The following PMFBP1 variants were observed in gnomAD, a reference collection of about 807,000 sequenced individuals.
PMFBP1 encodes the protein polyamine-modulated factor 1-binding protein 1.
Under a neutral mutation model 137.8 loss-of-function variants are expected in PMFBP1, and 131 were observed. That is an observed-to-expected ratio of 0.95 (90% CI 0.82 to 1.10). The LOEUF (loss-of-function observed/expected upper bound fraction) is 1.10, where lower values mean the gene tolerates loss of function less well. Ranked by LOEUF, PMFBP1 falls within the 50% of genes least tolerant of loss-of-function variation. The pLI is 0.00. For missense variants in PMFBP1, 1,199 were observed against 1,175.4 expected, an observed-to-expected ratio of 1.02 and a Z score of -0.29; for synonymous variants, 490 against 450.4, an observed-to-expected ratio of 1.09 and a Z score of -1.11.
chr16:72,215,198 A>G, the PMFBP1 span, among the ~76,000 whole-genome samples: 1 of 152,190 alleles, frequency 6.6e-6, no homozygotes, highest in Non-Finnish European at 1.5e-5. Flanking sequence ...AGAAGAACCA[A>G]TATTTGAGAA....
Position 72,171,143 on chromosome 16 carries a change from G to T in PMFBP1, c.12+54C>A, listed in dbSNP as rs571497445. Reference sequence around the variant, plus strand: ...TTTTGAATCATAAAACATGAAAAAAGTCCCTTGTAATGAATATTCAACTCC... The same window carrying T: ...TTTTGAATCATAAAACATGAAAAAATTCCCTTGTAATGAATATTCAACTCC... On this transcript the variant is annotated intron_variant, in intron 2 of 20. Transcript: ENST00000237353. The T allele has an allele frequency of 5.9e-4, 932 of 1,580,708 alleles. 7 individuals carry two copies. Among genetic ancestry groups the T allele is most frequent in the Non-Finnish European group, 9.6e-5 (111 of 1,153,708 alleles).
the PMFBP1 span, among the ~76,000 whole-genome samples, chr16:72,232,967 T>C: frequency 6.6e-6 from 1 of 152,056 alleles, no homozygotes. Flanking sequence ...ATACAAGATA[T>C]TGATATACAG....
At chr16:72,134,947 G>T (rs893934262) in intron 9 of PMFBP1, among the ~76,000 whole-genome samples, 2 of 152,178 alleles carry the variant, frequency 1.3e-5, no homozygotes, top group Non-Finnish European at 2.9e-5. Flanking sequence ...ATGACAAGAG[G>T]CATGTTGCAG....
chr16:72,203,776 T>C, the PMFBP1 span, among the ~76,000 whole-genome samples: 1,378 of 152,328 alleles, frequency 9.0e-3, 14 homozygotes, highest in Middle Eastern at 0.027. Flanking sequence ...ATTTTGTAAG[T>C]CATTTAATAC....
the PMFBP1 span, among the ~76,000 whole-genome samples, chr16:72,209,357 C>T: frequency 1.3e-5 from 2 of 152,060 alleles, no homozygotes; most frequent in Non-Finnish European, 2.9e-5. Flanking sequence ...TCTGTATTTC[C>T]AGTTGAGACC....
chr16:72,241,215 A>G, the PMFBP1 span, among the ~76,000 whole-genome samples: 3 of 152,154 alleles, frequency 2.0e-5, no homozygotes, highest in Admixed American at 2.0e-4. Context: ...AACAGCCATG[A>G]AAACCCTCAT....
intron 4 of PMFBP1, among the ~76,000 whole-genome samples, chr16:72,152,264 G>A (rs989951120): frequency 6.6e-5 from 10 of 152,006 alleles, no homozygotes; most frequent in African/African-American, 1.5e-4. Context: ...ATGCTTTCTC[G>A]GTTTGGGATC....
the PMFBP1 span, among the ~76,000 whole-genome samples, chr16:72,246,809 T>C: frequency 6.6e-6 from 1 of 152,076 alleles, no homozygotes; most frequent in African/African-American, 2.4e-5. Context: ...GCAAAGGGCA[T>C]GGACCATCTT....
At chr16:72,249,890 C>T in the PMFBP1 span, among the ~76,000 whole-genome samples, 2 of 122,692 alleles carry the variant, frequency 1.6e-5, no homozygotes, top group Non-Finnish European at 3.1e-5. Flanking sequence ...CACTGCACTC[C>T]AGCCTGGGTG....
At chr16:72,130,759 G>A in intron 10 of PMFBP1, 37 bp from the exon 11 acceptor site, 2 of 1,561,022 alleles carry the variant, frequency 1.3e-6, no homozygotes, top group South Asian at 1.2e-5. Flanking sequence ...GAGAAGGGAG[G>A]GTGTATGAAG....
chr16:72,155,250 A>T (rs886779585), intron 3 of PMFBP1, among the ~76,000 whole-genome samples: 2 of 152,122 alleles, frequency 1.3e-5, no homozygotes, highest in African/African-American at 4.8e-5. Flanking sequence ...TATGACAATG[A>T]CACGTGAGGT....
At chr16:72,178,802 C>G (rs1415836896), upstream of PMFBP1, among the ~76,000 whole-genome samples, 1 of 152,182 alleles carries the variant, frequency 6.6e-6, no homozygotes, top group Non-Finnish European at 1.5e-5. Context: ...AGTCAGGGCT[C>G]ACATTTTGAC....
chr16:72,249,885 C>G, the PMFBP1 span, among the ~76,000 whole-genome samples: 1 of 127,254 alleles, frequency 7.9e-6, no homozygotes, highest in Admixed American at 9.4e-5. Context: ...CACACCACTG[C>G]ACTCCAGCCT....
the PMFBP1 span, among the ~76,000 whole-genome samples, chr16:72,236,735 A>G: frequency 6.6e-6 from 1 of 152,228 alleles, no homozygotes; most frequent in African/African-American, 2.4e-5. Context: ...CACCTCACTT[A>G]TATCCACATT....
At chr16:72,244,065 C>T in the PMFBP1 span, among the ~76,000 whole-genome samples, 3 of 152,164 alleles carry the variant, frequency 2.0e-5, no homozygotes, top group East Asian at 5.8e-4. Context: ...GCATGTCCAG[C>T]TGAGGCTGAA....
At chr16:72,189,728 T>C in the PMFBP1 span, among the ~76,000 whole-genome samples, 1 of 152,300 alleles carries the variant, frequency 6.6e-6, no homozygotes, top group South Asian at 2.1e-4. Flanking sequence ...GAGACCATGG[T>C]ATTGCAGTAA....
chr16:72,186,842 G>A, the PMFBP1 span, among the ~76,000 whole-genome samples: 1 of 152,000 alleles, frequency 6.6e-6, no homozygotes, highest in Non-Finnish European at 1.5e-5. Context: ...GCTGGGCGAG[G>A]TGGCTCACAT....
At chr16:72,188,830 C>G in the PMFBP1 span, among the ~76,000 whole-genome samples, 1 of 152,060 alleles carries the variant, frequency 6.6e-6, no homozygotes, top group South Asian at 2.1e-4. Flanking sequence ...CTATTAAGCT[C>G]GGCGGCCATG....
chr16:72,218,177 C>T, the PMFBP1 span, among the ~76,000 whole-genome samples: 2 of 152,066 alleles, frequency 1.3e-5, no homozygotes, highest in Non-Finnish European at 2.9e-5. Context: ...AACCTTCTGA[C>T]AATACTTACA....
Sources: allele counts gnomAD v4.1 joint callset (sites outside exome capture counted in the v4.1 genomes callset), GRCh38; gene constraint gnomAD v4.1.1; transcripts MANE v1.5; gene names NCBI Gene and HGNC (gene_info 2026-07-23, HGNC 2026-07-21).